Variants in DLC1 observed in about 807,000 individuals in gnomAD.
The protein encoded by DLC1 is DLC1 Rho GTPase activating protein, also known as rho GTPase-activating protein 7.
DLC1 carries 54 observed loss-of-function variants against 140.3 expected under a neutral mutation model. That is an observed-to-expected ratio of 0.38 (90% CI 0.31 to 0.48). The LOEUF is 0.48. Among genes scored for constraint, DLC1 ranks in the 20% least tolerant of loss-of-function variants. DLC1 has a pLI of 0.96. For missense variants in DLC1, 2,536 were observed against 1,907.0 expected, an observed-to-expected ratio of 1.33 and a Z score of -6.14; for synonymous variants, 986 against 728.1, an observed-to-expected ratio of 1.35 and a Z score of -5.70.
At chr8:13,193,413 T>C (rs1826870376) in intron 5 of DLC1, among the ~76,000 whole-genome samples, 1 of 152,136 alleles carries the variant, frequency 6.6e-6, no homozygotes, top group African/African-American at 2.4e-5. Flanking sequence ...AAATGTTATT[T>C]CTAAAGTAGG....
At chr8:13,578,783 T>A (rs1212793165) in intron 1 of DLC1, among the ~76,000 whole-genome samples, 1 of 146,238 alleles carries the variant, frequency 6.8e-6, no homozygotes, top group African/African-American at 2.5e-5. Flanking sequence ...TGTCCCACCC[T>A]CCAGGTACCC....
chr8:13,511,679 G>C (rs749377551), intron 1 of DLC1, among the ~76,000 whole-genome samples: 3 of 152,022 alleles, frequency 2.0e-5, no homozygotes, highest in Non-Finnish European at 4.4e-5. Context: ...CCTCAAATTT[G>C]AAAGTTTTCA....
intron 5 of DLC1, among the ~76,000 whole-genome samples, chr8:13,174,629 A>C (rs192442529): frequency 1.1e-3 from 174 of 152,234 alleles, no homozygotes; most frequent in African/African-American, 3.2e-3. Context: ...GATGATAAGC[A>C]TTTTTATATG....
intron 2 of DLC1, among the ~76,000 whole-genome samples, chr8:13,498,007 A>AC (rs1554532070): frequency 6.6e-6 from 1 of 151,772 alleles, no homozygotes; most frequent in Non-Finnish European, 1.5e-5. Context: ...AAAGTAGTAG[A>AC]TTTTTTTTTC....
At position 13,332,758 on chromosome 8, in the gene DLC1, C is replaced by T. The variant is rs187855748; in HGVS notation, c.1315-27456G>A. Among the ~76,000 whole-genome samples, 1,051 of 152,196 alleles carry T rather than the reference C, an allele frequency of 6.9e-3. 1 individual carries two copies. The highest frequency in any genetic ancestry group is 0.011 in the Admixed American group (175 of 15,286). On this transcript the variant is annotated intron_variant, in intron 4 of 17. Transcript: ENST00000276297. Reference sequence around the variant, plus strand: ...TTTCTTGAGTTTGCTTTTTCTTTAACAAGTAAATTATGAGTTACTTGATTA... The same window carrying T: ...TTTCTTGAGTTTGCTTTTTCTTTAATAAGTAAATTATGAGTTACTTGATTA...
intron 5 of DLC1, among the ~76,000 whole-genome samples, chr8:13,148,112 A>G (rs1823565298): frequency 6.8e-6 from 1 of 147,472 alleles, no homozygotes; most frequent in Non-Finnish European, 1.5e-5. Flanking sequence ...GTGTGATAAG[A>G]TGTTTGATTT....
At chr8:13,262,387 C>CAA (rs1413916841) in intron 5 of DLC1, among the ~76,000 whole-genome samples, 2 of 151,640 alleles carry the variant, frequency 1.3e-5, no homozygotes, top group Admixed American at 1.3e-4. Context: ...GGAAAACTCT[C>CAA]AATTTTTTTT....
At chr8:13,212,942 A>T (rs1828016500) in intron 5 of DLC1, among the ~76,000 whole-genome samples, 1 of 152,120 alleles carries the variant, frequency 6.6e-6, no homozygotes, top group African/African-American at 2.4e-5. Flanking sequence ...CGCCGTTTAA[A>T]TTTTTTATTT....
Position 13,266,725 on chromosome 8 carries a change from A to G in DLC1, c.1348+38544T>C, listed in dbSNP as rs192319388. On this transcript the variant is annotated intron_variant, in intron 5 of 17. Coordinates refer to ENST00000276297, the MANE Select transcript of DLC1 (RefSeq NM_182643.3). ...CTGCCACTGCACTCCAGCCTGGGCA[A>G]TAGAGAAAGACTTAGTATTAAAAAA... 4.6e-5 allele frequency among the ~76,000 whole-genome samples: 7 copies of G among 152,296 alleles called. No individual in the cohort carries two copies. The East Asian group carries it at 1.2e-3, about 25-fold the overall frequency.
chr8:13,568,071 CTT>C, intron 1 of DLC1: 1 of 1,127,622 alleles, frequency 8.9e-7, no homozygotes, highest in Non-Finnish European at 1.2e-6. Context: ...AGAACTTTCA[CTT>C]TTTTTTTCCT....
intron 1 of DLC1, among the ~76,000 whole-genome samples, chr8:13,521,408 T>TA (rs376802924): frequency 0.018 from 2,308 of 129,498 alleles, 60 homozygotes; most frequent in African/African-American, 0.05. Flanking sequence ...AACTTAAAAT[T>TA]AAAAAAAAAA....
chr8:13,138,270 G>C (rs969138857), intron 5 of DLC1, among the ~76,000 whole-genome samples: 1 of 152,168 alleles, frequency 6.6e-6, no homozygotes, highest in South Asian at 2.1e-4. Context: ...TTAGTGGCTT[G>C]TTGACCTGTC....
intron 2 of DLC1, among the ~76,000 whole-genome samples, chr8:13,418,296 A>C (rs1010258626): frequency 6.6e-5 from 10 of 152,176 alleles, no homozygotes. Context: ...GCCCATGCCT[A>C]TGTCCTGAAT....
intron 5 of DLC1, among the ~76,000 whole-genome samples, chr8:13,221,073 T>A (rs1411069548): frequency 1.3e-5 from 2 of 152,164 alleles, no homozygotes; most frequent in Non-Finnish European, 2.9e-5. Flanking sequence ...AAAGGGAATA[T>A]CTTTTGAGTC....
intron 1 of DLC1, among the ~76,000 whole-genome samples, chr8:13,577,605 C>T (rs1358567851): frequency 6.6e-6 from 1 of 152,082 alleles, no homozygotes; most frequent in African/African-American, 2.4e-5. Flanking sequence ...AATTTAGAAC[C>T]TACATTGTAT....
chr8:13,311,705 A>G (rs1213021925), intron 4 of DLC1, among the ~76,000 whole-genome samples: 2 of 152,214 alleles, frequency 1.3e-5, no homozygotes, highest in East Asian at 3.8e-4. Context: ...TTGGGGTCTC[A>G]GCTTAAATTG....
intron 4 of DLC1, among the ~76,000 whole-genome samples, chr8:13,359,244 CT>C (rs145052135): frequency 0.023 from 3,503 of 152,158 alleles, 70 homozygotes; most frequent in South Asian, 0.081. Flanking sequence ...ATCCTACAAA[CT>C]TTTTTTTCTA....
intron 4 of DLC1, among the ~76,000 whole-genome samples, chr8:13,363,692 C>T (rs961986427): frequency 6.6e-6 from 1 of 152,088 alleles, no homozygotes; most frequent in African/African-American, 2.4e-5. Flanking sequence ...AAAAAAATCA[C>T]CAGCATGCAA....
intron 1 of DLC1, among the ~76,000 whole-genome samples, chr8:13,592,613 T>C (rs1805552491): frequency 6.6e-6 from 1 of 152,042 alleles, no homozygotes; most frequent in Admixed American, 6.6e-5. Context: ...TTGTTGAAAC[T>C]ATAGAGTAAG....
Sources: gnomAD v4.1 joint callset for allele counts (sites outside exome capture counted in the v4.1 genomes callset) on GRCh38, gnomAD v4.1.1 for gene constraint, MANE v1.5 for transcripts, NCBI Gene and HGNC (gene_info 2026-07-23, HGNC 2026-07-21) for gene names.